The following C1orf21 variants were observed in gnomAD, a reference collection of about 807,000 sequenced individuals.
The protein encoded by C1orf21 is chromosome 1 open reading frame 21, also known as uncharacterized protein C1orf21.
In C1orf21, 3 loss-of-function variants were observed where a neutral mutation model predicts 18.7. The observed-to-expected ratio is 0.16, with a 90% CI of 0.07 to 0.42. The LOEUF (loss-of-function observed/expected upper bound fraction) is 0.42, where lower values mean the gene tolerates loss of function less well. C1orf21 is among the 10% of genes least tolerant of loss of function. The pLI is 0.99. For synonymous variants in C1orf21, 41 were observed against 46.4 expected, an observed-to-expected ratio of 0.88 and a Z score of 0.47; for missense variants, 104 against 143.6, an observed-to-expected ratio of 0.72 and a Z score of 1.41.
chr1:184,414,493 T>G (rs1299922962), intron 1 of C1orf21, among the ~76,000 whole-genome samples: 2 of 152,158 alleles, frequency 1.3e-5, no homozygotes, highest in Admixed American at 6.6e-5. Flanking sequence ...GCAGATATTA[T>G]TCAGCAGAAT....
At chr1:184,576,183 A>C (rs1659187306) in intron 3 of C1orf21, among the ~76,000 whole-genome samples, 1 of 151,136 alleles carries the variant, frequency 6.6e-6, no homozygotes, top group South Asian at 2.1e-4. Context: ...GGAGTGCAGT[A>C]GTACAATCTC....
intron 3 of C1orf21, among the ~76,000 whole-genome samples, chr1:184,559,833 G>A (rs1337368775): frequency 6.6e-6 from 1 of 151,954 alleles, no homozygotes; most frequent in Non-Finnish European, 1.5e-5. Flanking sequence ...GCCCAGGCTG[G>A]TCTCTAACTC....
chr1:184,401,332 T>C (rs1463958502), intron 1 of C1orf21, among the ~76,000 whole-genome samples: 1 of 152,154 alleles, frequency 6.6e-6, no homozygotes, highest in Admixed American at 6.5e-5. Context: ...GTGATTTTCC[T>C]GTCTCAGCCT....
intron 1 of C1orf21, among the ~76,000 whole-genome samples, chr1:184,475,734 GGTGT>G (rs10553261): frequency 0.45 from 61,616 of 137,778 alleles, 13,502 homozygotes; most frequent in Non-Finnish European, 0.49. Context: ...AATGGAATAG[GGTGT>G]GTGTGTGTGT....
intron 3 of C1orf21, among the ~76,000 whole-genome samples, chr1:184,536,848 G>GAA (rs35408747): frequency 0.5 from 71,952 of 144,758 alleles, 17,553 homozygotes; most frequent in African/African-American, 0.57. Flanking sequence ...TTCTTTTGTG[G>GAA]AAAAAAAAAA....
chr1:184,587,140 A>G (rs184530172), intron 3 of C1orf21, among the ~76,000 whole-genome samples: 24 of 151,704 alleles, frequency 1.6e-4, no homozygotes, highest in Admixed American at 1.2e-3. Flanking sequence ...CCATTGGTCT[A>G]TGTGTCTGTT....
intron 3 of C1orf21, chr1:184,566,644 G>A (rs1371316804): frequency 1.8e-5 from 7 of 388,826 alleles, no homozygotes; most frequent in Non-Finnish European, 3.5e-5. Context: ...CTCTTTTGGG[G>A]CATAGTATGT....
At chr1:184,427,177 A>C (rs1200869898) in intron 1 of C1orf21, among the ~76,000 whole-genome samples, 2 of 152,152 alleles carry the variant, frequency 1.3e-5, no homozygotes, top group Admixed American at 1.3e-4. Flanking sequence ...CTCCGTCAAA[A>C]CCAGGGTGTA....
chr1:184,527,797 A>G lies in C1orf21; in HGVS notation c.189+20115A>G, dbSNP rs535647727. On this transcript the variant is annotated intron_variant, in intron 3 of 5. Transcript: ENST00000235307. ...CCTCAGGAAAGTGTAGTTTATAGTA[A>G]CTACCTAACAGGATTGTTGTAAGGG... 3.3e-5 allele frequency among the ~76,000 whole-genome samples: 5 copies of G among 152,302 alleles called. No individual in the cohort carries two copies. The East Asian group carries it at 5.8e-4, about 18-fold the overall frequency.
chr1:184,460,487 C>T (rs1657284293), intron 1 of C1orf21, among the ~76,000 whole-genome samples: 2 of 151,270 alleles, frequency 1.3e-5, no homozygotes, highest in Admixed American at 1.3e-4. Flanking sequence ...TTTCTACTCT[C>T]AAGCAGAGGG....
At chr1:184,402,308 A>G (rs1656169664) in intron 1 of C1orf21, among the ~76,000 whole-genome samples, 3 of 152,100 alleles carry the variant, frequency 2.0e-5, no homozygotes. Context: ...ATTTTGTTGT[A>G]TGGTATGGAG....
At chr1:184,569,154 C>A (rs1254872912) in intron 3 of C1orf21, among the ~76,000 whole-genome samples, 2 of 152,210 alleles carry the variant, frequency 1.3e-5, no homozygotes, top group Non-Finnish European at 2.9e-5. Context: ...ATGGTGTTTT[C>A]TTTTGCTTTT....
intron 1 of C1orf21, among the ~76,000 whole-genome samples, chr1:184,429,618 G>A (rs572552082): frequency 3.3e-5 from 5 of 152,204 alleles, no homozygotes; most frequent in South Asian, 4.2e-4. Context: ...GTACTTAGAC[G>A]GATCTGTTGT....
intron 3 of C1orf21, among the ~76,000 whole-genome samples, chr1:184,527,286 GA>G (rs1658391888): frequency 6.6e-6 from 1 of 152,166 alleles, no homozygotes; most frequent in African/African-American, 2.4e-5. Context: ...TTAGAACAAG[GA>G]ATACAGCAGT....
intron 3 of C1orf21, among the ~76,000 whole-genome samples, chr1:184,526,298 G>T (rs1025776170): frequency 6.6e-6 from 1 of 152,122 alleles, no homozygotes; most frequent in African/African-American, 2.4e-5. Flanking sequence ...CCAAAAAACT[G>T]AACAATAGAA....
rs78698451 is a variant in C1orf21 at position 184,398,389 on chromosome 1, G to A, written c.-125+11021G>A. The stretch of plus-strand genomic sequence containing the variant: ...GTGGTGCTAAGACTGGAATCCGAGC[G>A]CTCCTACTTTAAAGTCAGACTTTTA... On this transcript the variant is annotated intron_variant, in intron 1 of 5. Coordinates refer to ENST00000235307, the MANE Select transcript of C1orf21 (RefSeq NM_030806.4). Among the ~76,000 whole-genome samples, 1,054 of 152,236 alleles carry A rather than the reference G, an allele frequency of 6.9e-3. 11 individuals are homozygous for A. Among genetic ancestry groups the A allele is most frequent in the African/African-American group, 0.024 (1,011 of 41,538 alleles).
intron 1 of C1orf21, among the ~76,000 whole-genome samples, chr1:184,411,523 G>A (rs1229028373): frequency 4.8e-5 from 7 of 144,648 alleles, no homozygotes; most frequent in Admixed American, 7.2e-5. Context: ...CCGGGTTCAC[G>A]CCATTCTCCT....
chr1:184,424,494 T>C (rs1656600726), intron 1 of C1orf21, among the ~76,000 whole-genome samples: 1 of 152,356 alleles, frequency 6.6e-6, no homozygotes, highest in East Asian at 1.9e-4. Flanking sequence ...AAACGTTCTG[T>C]AAATTTTCAA....
chr1:184,476,306 A>G (rs1183294515), intron 1 of C1orf21, among the ~76,000 whole-genome samples: 1 of 152,142 alleles, frequency 6.6e-6, no homozygotes, highest in Admixed American at 6.6e-5. Flanking sequence ...GGTGCTGATG[A>G]AGATTCAAAG....
Sources: allele counts gnomAD v4.1 joint callset (sites outside exome capture counted in the v4.1 genomes callset), GRCh38; gene constraint gnomAD v4.1.1; transcripts MANE v1.5; gene names NCBI Gene and HGNC (gene_info 2026-07-23, HGNC 2026-07-21).